Variants in DYTN observed in about 807,000 individuals in gnomAD.
The protein encoded by DYTN is dystrotelin.
A neutral mutation model predicts 69.6 loss-of-function variants in DYTN; 75 were observed. The ratio of observed to expected loss-of-function variants is 1.08; its 90% CI spans 0.89 to 1.31. DYTN has a LOEUF of 1.31. DYTN is among the 50% of genes most tolerant of loss of function. The probability of loss-of-function intolerance (pLI) is 0.00; values close to 1 mark genes in which losing one functional copy is unlikely to be tolerated. For synonymous variants in DYTN, 252 were observed against 249.1 expected (o/e 1.01, Z -0.11); for missense variants, 726 against 688.4 (o/e 1.05, Z -0.61).
intron 9 of DYTN, among the ~76,000 whole-genome samples, chr2:206,683,889 T>C (rs13408746): frequency 0.087 from 13,173 of 152,118 alleles, 1,919 homozygotes; most frequent in African/African-American, 0.3. Context: ...CTCACTGAGG[T>C]CCGCTATAAC....
chr2:206,703,906 CAATCCAGAGCCTGTTT>C (rs1699998874), intron 5 of DYTN, among the ~76,000 whole-genome samples: 1 of 152,202 alleles, frequency 6.6e-6, no homozygotes, highest in Non-Finnish European at 1.5e-5. Flanking sequence ...ACACGCAAGA[CAATCCAGAGCCTGTTT>C]AATCCTTTTG....
Position 206,694,633 on chromosome 2 carries a change from T to A in DYTN, c.831+133A>T, listed in dbSNP as rs76762433. On this transcript the variant is annotated intron_variant, in intron 8 of 11. Coordinates refer to ENST00000452335, the MANE Select transcript of DYTN (RefSeq NM_001093730.1). Reference sequence around the variant, plus strand: ...AGATATTCAAGGTGGAGTTTGCCACTTGCTTAGTCTTAAATATTGCAATGT... The same window carrying A: ...AGATATTCAAGGTGGAGTTTGCCACATGCTTAGTCTTAAATATTGCAATGT... 152 of 573,890 alleles carry A rather than the reference T, an allele frequency of 2.6e-4. No individual in the cohort carries two copies. The African/African-American group carries it at 2.7e-3, about 10-fold the overall frequency. The allele number at this position is 573,890 out of a possible 1,614,324, so 35.5% of individuals were successfully genotyped here.
chr2:206,657,778 T>C (rs566554185), intron 11 of DYTN, among the ~76,000 whole-genome samples: 1 of 152,320 alleles, frequency 6.6e-6, no homozygotes, highest in South Asian at 2.1e-4. Flanking sequence ...CTCTTGCTGC[T>C]TTCAAAATTC....
intron 9 of DYTN, among the ~76,000 whole-genome samples, chr2:206,685,143 C>CTTAT (rs10673463): frequency 0.65 from 94,561 of 145,548 alleles, 32,865 homozygotes; most frequent in Non-Finnish European, 0.76. Context: ...AGTAGCATGG[C>CTTAT]TTATTTATTT....
chr2:206,663,084 C>T lies in DYTN; in HGVS notation c.1452G>A (p.Gln484=), dbSNP rs1311539461. The T allele has an allele frequency of 1.2e-6, 2 of 1,613,862 alleles. No individual in the cohort carries two copies. The highest frequency in any genetic ancestry group is 2.2e-5 in the South Asian group (2 of 91,068). Residue 484 remains glutamine, a synonymous_variant, in exon 11 of 12, where the codon CAG becomes CAA. Coordinates refer to ENST00000452335, the MANE Select transcript of DYTN (RefSeq NM_001093730.1). ...QKVISALPSY[Q]EGLKQDIPKM... ...TGGGGATGTCCTGCTTCAGTCCCTC[C>T]TGATAACTGGGTAGGGCACTAATGA...
intron 1 of DYTN, among the ~76,000 whole-genome samples, chr2:206,713,397 G>A (rs893554227): frequency 1.7e-4 from 26 of 152,240 alleles, no homozygotes; most frequent in African/African-American, 4.8e-4. Flanking sequence ...TGCCACAATC[G>A]CTGAAGTATT....
Position 206,661,410 on chromosome 2 carries a change from T to G in DYTN, c.1633+1493A>C, listed in dbSNP as rs557774301. On this transcript the variant is annotated intron_variant, in intron 11 of 11. Coordinates refer to ENST00000452335, the MANE Select transcript of DYTN (RefSeq NM_001093730.1). ...CACTCCAACATAAGACAACTTAAGC[T>G]TTCTTAGAAAGAAATTTATATATAG... Among the ~76,000 whole-genome samples, 248 of 152,292 alleles carry G rather than the reference T, an allele frequency of 1.6e-3. 1 individual carries two copies. Among genetic ancestry groups the G allele is most frequent in the South Asian group, 4.6e-3 (22 of 4,826 alleles).
intron 9 of DYTN, among the ~76,000 whole-genome samples, chr2:206,676,333 A>G (rs1699686216): frequency 6.6e-6 from 1 of 152,200 alleles, no homozygotes; most frequent in Non-Finnish European, 1.5e-5. Context: ...CAGGAACAGA[A>G]AACCAAACAC....
At chr2:206,708,351 T>G (rs1264119652) in intron 2 of DYTN, among the ~76,000 whole-genome samples, 1 of 152,176 alleles carries the variant, frequency 6.6e-6, no homozygotes, top group Non-Finnish European at 1.5e-5. Context: ...CAAGAGCTCC[T>G]GGCATTTAAA....
chr2:206,693,231 C>T lies in DYTN; in HGVS notation c.924G>A (p.Arg308=), dbSNP rs60722121. ...GRCRKKEAAR[R]QQLLDQVNPK... is the part of the protein sequence containing the mutation. ...GATTCACCTGGTCCAGCAGCTGCTG[C>T]CTTCTCGCTGCTTCTTTCTTCCTAC... Residue 308 remains arginine, a synonymous_variant, in exon 9 of 12, where the codon AGG becomes AGA. Transcript: ENST00000452335. 7.4e-6 allele frequency: 12 copies of T among 1,613,566 alleles called. No individual in the cohort carries two copies. The East Asian group carries it at 1.1e-4, about 15-fold the overall frequency.
chr2:206,683,339 CTTTTTTT>C lies in DYTN; in HGVS notation c.980+9829_980+9835del, dbSNP rs10531348. ...TCCTCACCTCTTCTTTTTACTTTTT[CTTTTTTT>C]TTTTTTTTTTTTTTTGAGATGGAGT... On this transcript the variant is annotated intron_variant, in intron 9 of 11. Transcript: ENST00000452335. Among the ~76,000 whole-genome samples, 840 of 111,944 alleles carry C rather than the reference CTTTTTTT, an allele frequency of 7.5e-3. 26 individuals are homozygous for C. The highest frequency in any genetic ancestry group is 0.057 in the Admixed American group (585 of 10,274). The allele number at this position is 111,944 out of a possible 152,430, so 73.4% of individuals were successfully genotyped here.
At chr2:206,667,199 C>T (rs1024988185) in intron 9 of DYTN, among the ~76,000 whole-genome samples, 1 of 152,168 alleles carries the variant, frequency 6.6e-6, no homozygotes, top group Non-Finnish European at 1.5e-5. Context: ...CCCACAAAGA[C>T]GGCACAGACC....
In DYTN at chr2:206,668,836, T is replaced by TAGTG. The variant is rs72344348; in HGVS notation, c.981-2811_981-2808dup. ...AGTTTTCCCCATGCTGTTCTCATGA[T>TAGTG]AGTGAGTGAGTCTCACGAGATCTGA... is the stretch of plus-strand genomic sequence containing the variant. On this transcript the variant is annotated intron_variant, in intron 9 of 11. Transcript: ENST00000452335. Among the ~76,000 whole-genome samples the TAGTG allele has an allele frequency of 6.6e-5, 10 of 152,164 alleles. 1 individual carries two copies. In the South Asian group the frequency reaches 1.9e-3, roughly 28 times the overall value.
intron 9 of DYTN, among the ~76,000 whole-genome samples, chr2:206,684,602 C>A (rs1342677270): frequency 1.3e-5 from 2 of 152,208 alleles, no homozygotes; most frequent in Non-Finnish European, 2.9e-5. Flanking sequence ...GGATCACAGG[C>A]ATAAGCCTGG....
At chr2:206,687,658 A>T (rs1407978705) in intron 9 of DYTN, among the ~76,000 whole-genome samples, 1 of 151,900 alleles carries the variant, frequency 6.6e-6, no homozygotes, top group Non-Finnish European at 1.5e-5. Flanking sequence ...TTTAAATTTC[A>T]ATCAATTTGG....
Position 206,700,080 on chromosome 2 carries a change from G to A in DYTN, c.555+65C>T, listed in dbSNP as rs145616123. ...AATAATAGGTCTGTAATGTAAATCA[G>A]TCAGCAAACTATCCCAATACACCGT... On this transcript the variant is annotated intron_variant, in intron 6 of 11. Coordinates refer to ENST00000452335, the MANE Select transcript of DYTN (RefSeq NM_001093730.1). 225 of 1,597,726 alleles carry A rather than the reference G, an allele frequency of 1.4e-4. No homozygotes were observed. The African/African-American group carries it at 2.4e-3, about 17-fold the overall frequency.
intron 9 of DYTN, among the ~76,000 whole-genome samples, chr2:206,676,853 T>C (rs958291747): frequency 6.6e-6 from 1 of 152,136 alleles, no homozygotes; most frequent in Non-Finnish European, 1.5e-5. Context: ...ATGTTTATGG[T>C]TTCACAGGTG....
chr2:206,714,850 C>T (rs1276654566), intron 1 of DYTN, among the ~76,000 whole-genome samples: 1 of 152,146 alleles, frequency 6.6e-6, no homozygotes, highest in African/African-American at 2.4e-5. Flanking sequence ...TCAGTTAGGG[C>T]CTTGACCAGT....
chr2:206,703,915 G>A (rs1192553666), intron 5 of DYTN, among the ~76,000 whole-genome samples: 1 of 152,162 alleles, frequency 6.6e-6, no homozygotes, highest in African/African-American at 2.4e-5. Context: ...ACAATCCAGA[G>A]CCTGTTTAAT....
Sources: allele counts gnomAD v4.1 joint callset (sites outside exome capture counted in the v4.1 genomes callset), GRCh38; gene constraint gnomAD v4.1.1; transcripts MANE v1.5; gene names NCBI Gene and HGNC (gene_info 2026-07-23, HGNC 2026-07-21).